OR7E24: variants seen among roughly 807,000 people sequenced by gnomAD.
OR7E24 encodes the protein olfactory receptor family 7 subfamily E member 24, also known as olfactory receptor 7E24.
For missense variants in OR7E24, 385 were observed against 410.3 expected (o/e 0.94, Z 0.53); for synonymous variants, 130 against 157.5 (o/e 0.83, Z 1.31).
upstream of OR7E24, among the ~76,000 whole-genome samples, chr19:9,244,536 T>G (rs1054377967): frequency 6.6e-6 from 1 of 152,222 alleles, no homozygotes; most frequent in Admixed American, 6.5e-5. Flanking sequence ...TTACACCATA[T>G]GCAAAAGTTA....
the OR7E24 span, among the ~76,000 whole-genome samples, chr19:9,240,827 A>T: frequency 5.3e-5 from 8 of 151,768 alleles, no homozygotes; most frequent in African/African-American, 1.9e-4. Context: ...TTATTTATTT[A>T]TTTATTTTGA....
At chr19:9,247,108 TTAA>T (rs2066132681), upstream of OR7E24, among the ~76,000 whole-genome samples, 1 of 152,178 alleles carries the variant, frequency 6.6e-6, no homozygotes, top group South Asian at 2.1e-4. Context: ...TAGACAGATC[TTAA>T]TAAAAAATAA....
upstream of OR7E24, among the ~76,000 whole-genome samples, chr19:9,246,383 T>C (rs141225057): frequency 1.3e-5 from 2 of 152,138 alleles, no homozygotes; most frequent in East Asian, 3.9e-4. Context: ...TTGCTTATTA[T>C]AGTAATTTGC....
chr19:9,246,515 T>TGTGTGTGTGTG (rs1480482726), upstream of OR7E24, among the ~76,000 whole-genome samples: 1 of 149,708 alleles, frequency 6.7e-6, no homozygotes, highest in Non-Finnish European at 1.5e-5. Context: ...TGTGTGTGTG[T>TGTGTGTGTGTG]TTTCTTCTCC....
chr19:9,221,867 A>G, the OR7E24 span, among the ~76,000 whole-genome samples: 1 of 152,104 alleles, frequency 6.6e-6, no homozygotes, highest in African/African-American at 2.4e-5. Context: ...TCTGTGCTTC[A>G]GAGGTCATAT....
the OR7E24 span, among the ~76,000 whole-genome samples, chr19:9,233,529 G>A: frequency 5.5e-4 from 83 of 152,234 alleles, no homozygotes; most frequent in Non-Finnish European, 1.0e-4. Context: ...TAGTCCACAT[G>A]CTTTTTTCTC....
chr19:9,224,539 T>C, the OR7E24 span, among the ~76,000 whole-genome samples: 2 of 151,974 alleles, frequency 1.3e-5, no homozygotes, highest in Admixed American at 6.6e-5. Context: ...GTGGATCACT[T>C]GAGCCCAGGA....
the OR7E24 span, among the ~76,000 whole-genome samples, chr19:9,234,165 G>C: frequency 3.3e-5 from 5 of 152,186 alleles, no homozygotes; most frequent in Admixed American, 2.6e-4. Flanking sequence ...GCCTCCCAAG[G>C]TGGTGGGATT....
upstream of OR7E24, among the ~76,000 whole-genome samples, chr19:9,248,541 C>T (rs2066136814): frequency 6.6e-6 from 1 of 152,116 alleles, no homozygotes; most frequent in Non-Finnish European, 1.5e-5. Context: ...CTAACTGTAC[C>T]CTTCCCTTTG....
Position 9,251,989 on chromosome 19 carries a change from C to T in OR7E24, c.934C>T (p.Gln312Ter). Reference sequence around the variant, plus strand: ...CTACAGCCTGAGGAACAAGGACATTCAAAGTGCCCTGTGCAGGCTGCATGG... The same window carrying T: ...CTACAGCCTGAGGAACAAGGACATTTAAAGTGCCCTGTGCAGGCTGCATGG... The change falls in exon 2 of 2, where the codon CAA becomes TAA. Residue 312 changes from glutamine to a stop codon, truncating the protein, a stop_gained. Transcript: ENST00000641946. LOFTEE classifies it low-confidence loss of function (END_TRUNC). 5.0e-6 allele frequency: 8 copies of T among 1,614,126 alleles called. No individual in the cohort carries two copies. Among genetic ancestry groups the T allele is most frequent in the East Asian group, 2.2e-5 (1 of 44,876 alleles).
the OR7E24 span, among the ~76,000 whole-genome samples, chr19:9,218,038 G>T: frequency 6.6e-6 from 1 of 152,148 alleles, no homozygotes; most frequent in Admixed American, 6.5e-5. Flanking sequence ...CTTCCTCCTT[G>T]TCCCTTTCAC....
the OR7E24 span, among the ~76,000 whole-genome samples, chr19:9,218,350 G>A: frequency 1.2e-4 from 18 of 152,142 alleles, no homozygotes; most frequent in Non-Finnish European, 1.2e-4. Flanking sequence ...TTTAATGTAA[G>A]AATGTCTGCA....
upstream of OR7E24, among the ~76,000 whole-genome samples, chr19:9,242,585 A>G (rs1020537959): frequency 2.0e-5 from 3 of 152,146 alleles, no homozygotes; most frequent in African/African-American, 4.8e-5. Context: ...TTTCTCATTC[A>G]CCTTGTTCCA....
At chr19:9,219,602 T>C in the OR7E24 span, 11 of 152,246 alleles carry the variant, frequency 7.2e-5, no homozygotes, top group Admixed American at 2.6e-4. Flanking sequence ...TACTGGGTTT[T>C]TTCCAAAGGC....
chr19:9,222,434 TG>T, the OR7E24 span, among the ~76,000 whole-genome samples: 1 of 152,210 alleles, frequency 6.6e-6, no homozygotes, highest in East Asian at 1.9e-4. Context: ...TTCATGAACA[TG>T]GGATATCTTT....
the OR7E24 span, chr19:9,214,888 A>G: frequency 9.6e-7 from 1 of 1,037,196 alleles, no homozygotes; most frequent in South Asian, 1.5e-5. Context: ...TTTAATGAAC[A>G]GCAAGTGGCA....
the OR7E24 span, among the ~76,000 whole-genome samples, chr19:9,222,644 C>T: frequency 2.0e-4 from 30 of 151,946 alleles, no homozygotes; most frequent in African/African-American, 2.2e-4. Context: ...TTTTATATGT[C>T]GATTATGTAT....
the OR7E24 span, among the ~76,000 whole-genome samples, chr19:9,231,448 C>T: frequency 2.0e-5 from 3 of 152,176 alleles, no homozygotes; most frequent in African/African-American, 4.8e-5. Context: ...GGCATGGTGG[C>T]GCATGCCTGT....
chr19:9,237,202 TCTTA>T, the OR7E24 span, among the ~76,000 whole-genome samples: 5 of 152,152 alleles, frequency 3.3e-5, no homozygotes, highest in African/African-American at 1.2e-4. Flanking sequence ...CTTTTGTCCT[TCTTA>T]CTTCTCTTTT....
Sources: allele counts gnomAD v4.1 joint callset (sites outside exome capture counted in the v4.1 genomes callset), GRCh38; gene constraint gnomAD v4.1.1; transcripts MANE v1.5; gene names NCBI Gene and HGNC (gene_info 2026-07-23, HGNC 2026-07-21).